The following AMACR variants were observed in gnomAD, a reference collection of about 807,000 sequenced individuals.
AMACR encodes the protein alpha-methylacyl-CoA racemase, also known as 2-methylacyl-CoA racemase.
A neutral mutation model predicts 22.2 loss-of-function variants in AMACR; 18 were observed. The ratio of observed to expected loss-of-function variants is 0.81; its 90% confidence interval spans 0.56 to 1.20. The LOEUF (loss-of-function observed/expected upper bound fraction) is 1.20, where lower values mean the gene tolerates loss of function less well. Among genes scored for constraint, AMACR ranks in the 50% most tolerant of loss-of-function variants. AMACR has a pLI of 0.00. For synonymous variants in AMACR, 213 were observed against 191.3 expected, an observed-to-expected ratio of 1.11 and a Z score of -0.94; for missense variants, 499 against 490.6, an observed-to-expected ratio of 1.02 and a Z score of -0.16.
chr5:34,005,935 T>C (rs775876018), intron 1 of AMACR, 36 bp from the exon 2 acceptor site: 22 of 1,611,854 alleles, frequency 1.4e-5, no homozygotes, highest in African/African-American at 2.7e-5. Context: ...TAAGAGAGTA[T>C]GAATTGAGGA....
intron 3 of AMACR, 109 bp from the exon 4 acceptor site, chr5:33,998,936 A>C: frequency 1.0e-6 from 1 of 978,606 alleles, no homozygotes; most frequent in South Asian, 1.4e-5. Context: ...CTTATCTTAG[A>C]GTATACGAAG....
chr5:34,003,624 T>C (rs887732322), intron 3 of AMACR, among the ~76,000 whole-genome samples: 2 of 152,204 alleles, frequency 1.3e-5, no homozygotes, highest in African/African-American at 4.8e-5. Flanking sequence ...CTCAAGACAC[T>C]AGCAGGTCAT....
chr5:33,988,837 T>C lies in AMACR; in HGVS notation c.*256A>G, dbSNP rs1753379159. Reference sequence around the variant, plus strand: ...TCAAGAATCTTAATATCAACAAATATATCAAGCAAACTGGAAGGCAGAATA... The same window carrying C: ...TCAAGAATCTTAATATCAACAAATACATCAAGCAAACTGGAAGGCAGAATA... On this transcript the variant is annotated 3_prime_UTR_variant, in exon 5 of 5. Coordinates refer to ENST00000335606, the MANE Select transcript of AMACR (RefSeq NM_014324.6). 2 of 1,331,424 alleles carry C rather than the reference T, an allele frequency of 1.5e-6. No homozygotes were observed. Among genetic ancestry groups the C allele is most frequent in the South Asian group, 1.8e-5 (1 of 56,574 alleles). The allele number at this position is 1,331,424 out of a possible 1,614,324, so 82.5% of individuals were successfully genotyped here.
rs1439441964 is a variant in AMACR, at chr5:33,988,079, C to T, written c.*1014G>A. 4 of 420,934 alleles carry T rather than the reference C, an allele frequency of 9.5e-6. No individual in the cohort carries two copies. Among genetic ancestry groups the T allele is most frequent in the Middle Eastern group, 5.7e-4 (1 of 1,744 alleles). The allele number at this position is 420,934 out of a possible 1,614,324, so 26.1% of individuals were successfully genotyped here. A position where few individuals can be genotyped will look rare whatever the true frequency, so the allele number is the denominator to read the frequency against. On this transcript the variant is annotated 3_prime_UTR_variant, in exon 5 of 5. Transcript: ENST00000335606. ...GAATGGACCTTATTGATGGCCTACC[C>T]AACATCCATTCTCTACTCCCTCTAC...
At chr5:34,000,322 A>G (rs995832960) in intron 3 of AMACR, among the ~76,000 whole-genome samples, 1 of 152,218 alleles carries the variant, frequency 6.6e-6, no homozygotes, top group African/African-American at 2.4e-5. Flanking sequence ...CATACAGTGC[A>G]AGAGAGAGTT....
chr5:34,005,710 T>C (rs1227784556), intron 2 of AMACR, 46 bp downstream of exon 2: 1 of 1,608,316 alleles, frequency 6.2e-7, no homozygotes, highest in Non-Finnish European at 8.5e-7. Context: ...CTGTAGATCT[T>C]GATGGAATAA....
chr5:33,994,723 T>C (rs1753584954), intron 4 of AMACR, among the ~76,000 whole-genome samples: 1 of 152,070 alleles, frequency 6.6e-6, no homozygotes, highest in African/African-American at 2.4e-5. Context: ...GGGTTAAGGA[T>C]ATCATAAAAG....
intron 1 of AMACR, 55 bp from the exon 2 acceptor site, chr5:34,005,954 A>C: frequency 6.3e-7 from 1 of 1,595,604 alleles, no homozygotes; most frequent in Non-Finnish European, 8.6e-7. Context: ...GATGGAGATA[A>C]TCCCTTCTCT....
rs1019471615 is a variant in AMACR at position 33,986,679 on chromosome 5, A to C, written c.*2414T>G. On this transcript the variant is annotated 3_prime_UTR_variant, in exon 5 of 5. Coordinates refer to ENST00000335606, the MANE Select transcript of AMACR (RefSeq NM_014324.6). ...GACTAGGGGAGAGAGAGAAGGAAAG[A>C]AGCCAGGATATTTCCCTAGATTTCT... 2 of 152,208 alleles carry C rather than the reference A, an allele frequency of 1.3e-5. No individual in the cohort carries two copies. Among genetic ancestry groups the C allele is most frequent in the African/African-American group, 4.8e-5 (2 of 41,446 alleles). The allele number at this position is 152,208 out of a possible 1,614,324, so 9.4% of individuals were successfully genotyped here. A position where few individuals can be genotyped will look rare whatever the true frequency, so the allele number is the denominator to read the frequency against.
chr5:33,989,435 C>T lies in AMACR; in HGVS notation c.807G>A (p.Lys269=). The T allele has an allele frequency of 6.2e-7, 1 of 1,614,178 alleles. No homozygotes were observed. Among genetic ancestry groups the T allele is most frequent in the Non-Finnish European group, 8.5e-7 (1 of 1,179,988 alleles). ...MSMDDWPEMK[K]KFADVFAEKT... The stretch of plus-strand genomic sequence containing the variant: ...TCTCTGCAAATACATCTGCAAACTT[C>T]TTCTTCATTTCTGGCCAATCATCCA... Residue 269 remains lysine (K), a synonymous_variant, in exon 5 of 5, where the codon AAG becomes AAA. Transcript: ENST00000335606.
At position 33,998,845 on chromosome 5, in the gene AMACR, A is replaced by G. The variant is rs776351043; in HGVS notation, c.553-18T>C. On this transcript the variant is annotated intron_variant, in intron 3 of 4. Coordinates refer to ENST00000335606, the MANE Select transcript of AMACR (RefSeq NM_014324.6). ...CCTTCCACCTTTGAGAAAACAGAATACAAGACAAATCCAGATAACTCAAGT... is the reference window on the plus strand; with the variant it reads ...CCTTCCACCTTTGAGAAAACAGAATGCAAGACAAATCCAGATAACTCAAGT... 2.5e-6 allele frequency: 4 copies of G among 1,612,254 alleles called. No homozygotes were observed. The highest frequency in any genetic ancestry group is 2.2e-5 in the East Asian group (1 of 44,874).
At position 33,989,105 on chromosome 5, in the gene AMACR, T is replaced by A. The variant is rs1484335138; in HGVS notation, c.1137A>T (p.Lys379Asn). 1.4e-5 allele frequency: 22 copies of A among 1,614,082 alleles called. No homozygotes were observed. The East Asian group carries it at 4.9e-4, about 36-fold the overall frequency. Residue 379 changes from lysine (K) to asparagine (N), a missense_variant, in exon 5 of 5, where the codon AAA becomes AAT. Lys to Asn is a moderately conservative substitution (Grantham distance 94). Transcript: ENST00000335606. ...SDKIIESNKV[K>N]ASL ...GTGGGCCTGGAAGTTAGAGACTAGC[T>A]TTTACCTTATTACTTTCAATGATTT...
intron 3 of AMACR, among the ~76,000 whole-genome samples, chr5:34,001,306 T>C (rs148826225): frequency 4.1e-4 from 63 of 152,326 alleles, no homozygotes; most frequent in African/African-American, 1.5e-3. Flanking sequence ...GCGACTAGTG[T>C]AGCCCTGGGG....
chr5:33,991,127 G>A (rs1753460488), intron 4 of AMACR, among the ~76,000 whole-genome samples: 1 of 152,212 alleles, frequency 6.6e-6, no homozygotes, highest in Non-Finnish European at 1.5e-5. Flanking sequence ...TAAAGCTAGA[G>A]CCAATGTGTT....
intron 4 of AMACR, chr5:33,997,069 G>C (rs1362632683): frequency 1.4e-6 from 1 of 738,436 alleles, no homozygotes; most frequent in African/African-American, 1.7e-5. Flanking sequence ...CATGTCCTTA[G>C]GTTTTACCCA....
At chr5:34,006,127 C>G (rs1314359593) in intron 1 of AMACR, among the ~76,000 whole-genome samples, 1 of 152,214 alleles carries the variant, frequency 6.6e-6, no homozygotes. Context: ...CTCTGTTTCC[C>G]TCTAGGTTTA....
Position 33,989,019 on chromosome 5 carries a change from A to C in AMACR, c.*74T>G, listed in dbSNP as rs1394838539. The C allele has an allele frequency of 6.2e-7, 1 of 1,602,216 alleles. No individual in the cohort carries two copies. Among genetic ancestry groups the C allele is most frequent in the Non-Finnish European group, 8.5e-7 (1 of 1,174,478 alleles). On this transcript the variant is annotated 3_prime_UTR_variant, in exon 5 of 5. Transcript: ENST00000335606. ...TGTAATACTGTTCCTCCATGTTTCC[A>C]TGCATACAATGTTATGTGTTACTCT...
At chr5:33,996,877 A>G (rs1202216722) in intron 4 of AMACR, 1 of 360,592 alleles carries the variant, frequency 2.8e-6, no homozygotes, top group Admixed American at 4.3e-5. Flanking sequence ...TGCACATGCC[A>G]AAGAATACAG....
At chr5:33,998,124 A>T (rs1178340026) in intron 4 of AMACR, among the ~76,000 whole-genome samples, 1 of 152,266 alleles carries the variant, frequency 6.6e-6, no homozygotes, top group South Asian at 2.1e-4. Flanking sequence ...AATTTATGAC[A>T]ACTTGCCAAG....
Sources: allele counts gnomAD v4.1 joint callset (sites outside exome capture counted in the v4.1 genomes callset), GRCh38; gene constraint gnomAD v4.1.1; transcripts MANE v1.5; gene names NCBI Gene and HGNC (gene_info 2026-07-23, HGNC 2026-07-21).